The following LINGO2 variants were observed in gnomAD, a reference collection of about 807,000 sequenced individuals.
The protein encoded by LINGO2 is leucine rich repeat and Ig domain containing 2, also known as leucine-rich repeat and immunoglobulin-like domain-containing nogo receptor-interacting protein 2.
In LINGO2, 14 loss-of-function variants were observed where a neutral mutation model predicts 30.6. That is an observed-to-expected ratio of 0.46 (90% CI 0.30 to 0.72). The LOEUF is 0.72. Ranked by LOEUF, LINGO2 falls within the 30% of genes least tolerant of loss-of-function variation. The pLI, the probability that LINGO2 is intolerant of heterozygous loss-of-function variation, is 0.07. For missense variants in LINGO2, 729 were observed against 751.7 expected, an observed-to-expected ratio of 0.97 and a Z score of 0.35; for synonymous variants, 317 against 288.5, an observed-to-expected ratio of 1.10 and a Z score of -1.00.
intron 5 of LINGO2, among the ~76,000 whole-genome samples, chr9:27,962,550 C>T (rs146298002): frequency 3.9e-5 from 6 of 152,252 alleles, no homozygotes; most frequent in East Asian, 1.9e-4. Context: ...CTGCTCCCCC[C>T]CTTCTACGAC....
At chr9:28,007,233 T>C (rs1822310837) in intron 5 of LINGO2, among the ~76,000 whole-genome samples, 1 of 152,122 alleles carries the variant, frequency 6.6e-6, no homozygotes, top group Non-Finnish European at 1.5e-5. Context: ...GACAGCCTCA[T>C]CGTCCACGTT....
chr9:28,503,192 G>C (rs1376659631), intron 1 of LINGO2, among the ~76,000 whole-genome samples: 3 of 151,972 alleles, frequency 2.0e-5, no homozygotes, highest in Admixed American at 6.6e-5. Context: ...CTATGAAGCA[G>C]CTCTGATTAT....
chr9:28,051,658 C>A (rs1020658204), intron 4 of LINGO2, among the ~76,000 whole-genome samples: 2 of 152,000 alleles, frequency 1.3e-5, no homozygotes, highest in African/African-American at 2.4e-5. Flanking sequence ...AGATTTCAAA[C>A]CCTGCCTAGG....
Position 28,147,838 on chromosome 9 carries a change from C to T in LINGO2, c.-86-135433G>A, listed in dbSNP as rs1264435854. On this transcript the variant is annotated intron_variant, in intron 4 of 5. Transcript: ENST00000379992. The surrounding 1 kb of genome is among the most constrained non-coding windows in gnomAD (Gnocchi z 4.7). ...ACCCTCGCTGGGCTCCTAAGCACTC[C>T]TCCACACCCTGGCTCTGTCACCAGC... Among the ~76,000 whole-genome samples, 1 of 152,144 alleles carries T rather than the reference C, an allele frequency of 6.6e-6. No homozygotes were observed.
chr9:28,578,154 T>G (rs1297392057), intron 1 of LINGO2, among the ~76,000 whole-genome samples: 2 of 152,100 alleles, frequency 1.3e-5, no homozygotes, highest in African/African-American at 4.8e-5. Context: ...AAAGGGTAAT[T>G]TATACATGAT....
chr9:28,706,073 T>C, the LINGO2 span, among the ~76,000 whole-genome samples: 4 of 152,150 alleles, frequency 2.6e-5, no homozygotes, highest in African/African-American at 9.7e-5. Context: ...ACAAATCTTC[T>C]GTATACCATT....
chr9:28,238,029 A>T (rs1821640768), intron 4 of LINGO2, among the ~76,000 whole-genome samples: 1 of 152,184 alleles, frequency 6.6e-6, no homozygotes, highest in African/African-American at 2.4e-5. Flanking sequence ...GTAAAAAGAG[A>T]TAAAGAAGGT....
chr9:28,996,596 G>A, the LINGO2 span, among the ~76,000 whole-genome samples: 1 of 152,110 alleles, frequency 6.6e-6, no homozygotes, highest in Admixed American at 6.5e-5. Flanking sequence ...TCAAGCCAAG[G>A]TATATATAAT....
the LINGO2 span, among the ~76,000 whole-genome samples, chr9:28,977,537 T>C: frequency 2.6e-5 from 4 of 152,196 alleles, no homozygotes; most frequent in African/African-American, 9.6e-5. Context: ...TTTAATTTTC[T>C]GTTAACTATT....
At chr9:28,171,971 TCACG>T (rs1174752352) in intron 4 of LINGO2, among the ~76,000 whole-genome samples, 4 of 113,272 alleles carry the variant, frequency 3.5e-5, no homozygotes, top group Non-Finnish European at 6.6e-5. Context: ...TGAGCCGAGA[TCACG>T]CCACTGCACT....
intron 4 of LINGO2, among the ~76,000 whole-genome samples, chr9:28,087,392 C>T (rs1436422718): frequency 6.6e-6 from 1 of 152,042 alleles, no homozygotes; most frequent in Admixed American, 6.6e-5. Flanking sequence ...ACCAATATTT[C>T]ATTCTAATCA....
At chr9:28,378,175 A>G (rs1423858698) in intron 2 of LINGO2, among the ~76,000 whole-genome samples, 1 of 152,238 alleles carries the variant, frequency 6.6e-6, no homozygotes, top group East Asian at 1.9e-4. Context: ...CCTCAGACAG[A>G]AAAGTAAAAC....
At chr9:28,851,468 C>T in the LINGO2 span, among the ~76,000 whole-genome samples, 1 of 152,130 alleles carries the variant, frequency 6.6e-6, no homozygotes, top group East Asian at 1.9e-4. Context: ...AGGATAGTAT[C>T]CCTATTTTAA....
chr9:28,296,781 A>T (rs551145768), intron 3 of LINGO2, among the ~76,000 whole-genome samples: 1 of 152,274 alleles, frequency 6.6e-6, no homozygotes, highest in East Asian at 1.9e-4. Context: ...ACCCATAAAT[A>T]TCCACACCCC....
the LINGO2 span, among the ~76,000 whole-genome samples, chr9:29,082,622 A>G: frequency 6.6e-6 from 1 of 152,184 alleles, no homozygotes; most frequent in African/African-American, 2.4e-5. Flanking sequence ...GGCAAAAGAA[A>G]GTAGCATCAG....
chr9:28,346,542 G>C (rs1484556962), intron 3 of LINGO2, among the ~76,000 whole-genome samples: 1 of 152,108 alleles, frequency 6.6e-6, no homozygotes, highest in Non-Finnish European at 1.5e-5. Flanking sequence ...ATATTCCTTT[G>C]GGTACATATC....
the LINGO2 span, among the ~76,000 whole-genome samples, chr9:28,859,598 T>C: frequency 6.6e-6 from 1 of 152,038 alleles, no homozygotes; most frequent in Non-Finnish European, 1.5e-5. Flanking sequence ...GTAAAATGAT[T>C]GCTTTACTTG....
At position 28,149,215 on chromosome 9, in the gene LINGO2, G is replaced by A. The variant is rs1283478297; in HGVS notation, c.-86-136810C>T. 4 of 1,112,052 alleles carry A rather than the reference G, an allele frequency of 3.6e-6. No homozygotes were observed. The African/African-American group carries it at 4.7e-5, about 13-fold the overall frequency. 68.9% of individuals were successfully genotyped at this position (1,112,052 alleles called of 1,614,324 possible). On this transcript the variant is annotated intron_variant, in intron 4 of 5. Transcript: ENST00000379992. ...GGAGAAAGAAGAGATGGTAGGGCAG[G>A]CGTGGTGGCCCACGCCTGTAATCAA... is the stretch of plus-strand genomic sequence containing the variant.
intron 4 of LINGO2, among the ~76,000 whole-genome samples, chr9:28,288,498 C>T (rs1823600138): frequency 1.3e-5 from 2 of 152,054 alleles, no homozygotes; most frequent in African/African-American, 2.4e-5. Flanking sequence ...GCTCTCAGTT[C>T]GTTTGTCCTG....
Sources: gnomAD v4.1 joint callset for allele counts (sites outside exome capture counted in the v4.1 genomes callset) on GRCh38, gnomAD v4.1.1 for gene constraint, Gnocchi (gnomAD v3.1) non-coding constraint, MANE v1.5 for transcripts, NCBI Gene and HGNC (gene_info 2026-07-23, HGNC 2026-07-21) for gene names.